NF1: variants seen among roughly 807,000 people sequenced by gnomAD.
NF1 encodes neurofibromin 1.
Under a neutral mutation model 325.7 loss-of-function variants are expected in NF1, and 122 were observed. The ratio of observed to expected loss-of-function variants is 0.37; its 90% confidence interval spans 0.32 to 0.44. The LOEUF (loss-of-function observed/expected upper bound fraction) is 0.44, where lower values mean the gene tolerates loss of function less well. NF1 is among the 20% of genes least tolerant of loss of function. The pLI, the probability that NF1 is intolerant of heterozygous loss-of-function variation, is 1.00. For synonymous variants in NF1, 1,091 were observed against 1,186.0 expected (o/e 0.92, Z 1.65); for missense variants, 2,140 against 3,415.4 (o/e 0.63, Z 9.31).
chr17:31,195,709 T>G (rs1372363442), intron 8 of NF1, among the ~76,000 whole-genome samples: 1 of 151,982 alleles, frequency 6.6e-6, no homozygotes, highest in Non-Finnish European at 1.5e-5. Flanking sequence ...TTTCATTCTT[T>G]TTTTTTTATG....
At chr17:31,369,022 A>AGG (rs2070584181) in intron 57 of NF1, among the ~76,000 whole-genome samples, 1 of 152,226 alleles carries the variant, frequency 6.6e-6, no homozygotes, top group Admixed American at 6.5e-5. Context: ...TTTTTGTAGT[A>AGG]TAACTTCTCA....
intron 12 of NF1, among the ~76,000 whole-genome samples, chr17:31,206,762 C>T (rs1212973269): frequency 1.3e-5 from 2 of 151,984 alleles, no homozygotes; most frequent in Non-Finnish European, 2.9e-5. Context: ...TGCCAATGCA[C>T]ATTTTAGCTA....
At chr17:31,369,416 G>T (rs546663100) in intron 57 of NF1, among the ~76,000 whole-genome samples, 31 of 152,328 alleles carry the variant, frequency 2.0e-4, no homozygotes, top group African/African-American at 7.5e-4. Flanking sequence ...ATATACTGCT[G>T]TACAGAATGT....
intron 8 of NF1, among the ~76,000 whole-genome samples, chr17:31,185,804 C>A (rs2066227817): frequency 1.3e-5 from 2 of 152,322 alleles, no homozygotes; most frequent in South Asian, 2.1e-4. Context: ...GGCCATATGA[C>A]CCAACAGATC....
intron 1 of NF1, among the ~76,000 whole-genome samples, chr17:31,104,699 T>C (rs1407894590): frequency 6.6e-6 from 1 of 152,182 alleles, no homozygotes; most frequent in Non-Finnish European, 1.5e-5. Flanking sequence ...CAGCAAGTTG[T>C]AAATTTCTGT....
At chr17:31,126,241 T>C (rs1914878427) in intron 1 of NF1, among the ~76,000 whole-genome samples, 1 of 152,204 alleles carries the variant, frequency 6.6e-6, no homozygotes, top group Non-Finnish European at 1.5e-5. Flanking sequence ...GTTGTTTCAT[T>C]GTAATTTGAA....
chr17:31,106,984 C>T (rs1283264412), intron 1 of NF1, among the ~76,000 whole-genome samples: 5 of 152,158 alleles, frequency 3.3e-5, no homozygotes, highest in Non-Finnish European at 5.9e-5. Flanking sequence ...ACATTTGAGG[C>T]AAACTTTTCA....
chr17:31,096,811 C>A (rs750564955), intron 1 of NF1, among the ~76,000 whole-genome samples: 3 of 152,160 alleles, frequency 2.0e-5, no homozygotes, highest in African/African-American at 4.8e-5. Flanking sequence ...ATTGTTTTAT[C>A]CATTCGTATG....
Position 31,340,505 on chromosome 17 carries a change from G to A in NF1, c.6922G>A (p.Asp2308Asn), listed in dbSNP as rs775660003. The A allele has an allele frequency of 6.2e-7, 1 of 1,614,136 alleles. No individual in the cohort carries two copies. The highest frequency in any genetic ancestry group is 2.2e-5 in the East Asian group (1 of 44,884). ...GCCTCAAACATATCTTCTTTGCCAG[G>A]ACTCGCCTCTGCACAAAGCCCTCTT... is the stretch of plus-strand genomic sequence containing the variant. ...LTKLQPLLNKDSPLHKALFWV... is the reference protein window; with the variant it reads ...LTKLQPLLNKNSPLHKALFWV... The change falls in exon 47 of 58, where the codon GAC (aspartate) becomes AAC (asparagine). Residue 2308 changes from aspartate (D) to asparagine (N), a missense_variant and splice_region_variant. Coordinates refer to ENST00000358273, the MANE Select transcript of NF1 (RefSeq NM_001042492.3).
At chr17:31,214,665 A>T (rs2143962005) in intron 13 of NF1, 80 bp downstream of exon 13, 5 of 1,430,428 alleles carry the variant, frequency 3.5e-6, no homozygotes, top group South Asian at 1.2e-5. Context: ...GACCTTGAGG[A>T]TAATTTTTAG....
Position 31,319,164 on chromosome 17 carries a change from C to T in NF1, c.4836-6656C>T, listed in dbSNP as rs543168834. ...TAATATTCGCTACCCTGAATTCCTT[C>T]TCAACTAAATTTCTTTTCTATTCAG... On this transcript the variant is annotated intron_variant, in intron 36 of 57. Transcript: ENST00000358273. 3.2e-5 allele frequency: 28 copies of T among 862,828 alleles called. No homozygotes were observed. The Middle Eastern group carries it at 8.0e-4, about 25-fold the overall frequency. The allele number at this position is 862,828 out of a possible 1,614,324, so 53.4% of individuals were successfully genotyped here. A position where few individuals can be genotyped will look rare whatever the true frequency, so the allele number is the denominator to read the frequency against.
At chr17:31,121,947 C>T (rs904801214) in intron 1 of NF1, among the ~76,000 whole-genome samples, 1 of 152,110 alleles carries the variant, frequency 6.6e-6, no homozygotes, top group African/African-American at 2.4e-5. Context: ...AATGGTGTCC[C>T]ATTAATATCC....
intron 36 of NF1, among the ~76,000 whole-genome samples, chr17:31,284,497 C>G (rs2068185781): frequency 6.6e-6 from 1 of 152,004 alleles, no homozygotes; most frequent in Admixed American, 6.6e-5. Flanking sequence ...TTTGGCCAGG[C>G]TGGTCTTGAG....
intron 3 of NF1, among the ~76,000 whole-genome samples, chr17:31,159,626 T>C (rs2143650111): frequency 6.6e-6 from 1 of 152,322 alleles, no homozygotes; most frequent in South Asian, 2.1e-4. Flanking sequence ...ATTATTTCTC[T>C]GGTTTCCTGT....
chr17:31,338,569 G>T (rs748169490), intron 45 of NF1, 135 bp from the exon 46 acceptor site: 1 of 675,906 alleles, frequency 1.5e-6, no homozygotes, highest in Non-Finnish European at 2.7e-6. Context: ...TAGCTACCAA[G>T]ATCACCATAG....
intron 8 of NF1, among the ~76,000 whole-genome samples, chr17:31,185,922 C>T (rs1009267343): frequency 7.2e-5 from 11 of 152,174 alleles, no homozygotes; most frequent in Non-Finnish European, 5.9e-5. Flanking sequence ...GAGCAAGGCC[C>T]TGCCATCTTC....
intron 35 of NF1, among the ~76,000 whole-genome samples, chr17:31,263,386 A>G (rs561912891): frequency 4.8e-4 from 73 of 152,168 alleles, no homozygotes; most frequent in African/African-American, 1.6e-3. Context: ...TGATTGCACC[A>G]GTGCATTTCC....
At chr17:31,326,506 G>T (rs2069346078) in intron 37 of NF1, among the ~76,000 whole-genome samples, 1 of 152,126 alleles carries the variant, frequency 6.6e-6, no homozygotes, top group Non-Finnish European at 1.5e-5. Context: ...ACATTAGCCG[G>T]GTATGGTGGT....
intron 7 of NF1, 57 bp downstream of exon 7, chr17:31,181,842 A>G (rs1343854402): frequency 2.6e-6 from 3 of 1,167,640 alleles, no homozygotes; most frequent in East Asian, 2.3e-5. Context: ...TACTTGTGAC[A>G]TAAAAACCTA....
Sources: allele counts gnomAD v4.1 joint callset (sites outside exome capture counted in the v4.1 genomes callset), GRCh38; gene constraint gnomAD v4.1.1; transcripts MANE v1.5; gene names NCBI Gene and HGNC (gene_info 2026-07-23, HGNC 2026-07-21).